The following ANGPT1 variants were observed in gnomAD, a reference collection of about 807,000 sequenced individuals.
ANGPT1 encodes angiopoietin-1.
Under a neutral mutation model 62.2 loss-of-function variants are expected in ANGPT1, and 17 were observed. That is an observed-to-expected ratio of 0.27 (90% CI 0.19 to 0.41). The LOEUF (loss-of-function observed/expected upper bound fraction) is 0.41. Among genes scored for constraint, ANGPT1 ranks in the 10% least tolerant of loss-of-function variants. The probability of loss-of-function intolerance (pLI) is 1.00; values close to 1 mark genes in which losing one functional copy is unlikely to be tolerated. For synonymous variants in ANGPT1, 199 were observed against 198.9 expected, an observed-to-expected ratio of 1.00 and a Z score of 0.00; for missense variants, 478 against 594.9, an observed-to-expected ratio of 0.80 and a Z score of 2.04.
chr8:107,275,657 T>C (rs1354203386), intron 7 of ANGPT1, among the ~76,000 whole-genome samples: 1 of 152,180 alleles, frequency 6.6e-6, no homozygotes, highest in Admixed American at 6.5e-5. Flanking sequence ...TATACATGAC[T>C]GTACTGAAAT....
chr8:107,302,011 T>A (rs943295454), intron 5 of ANGPT1, among the ~76,000 whole-genome samples: 3 of 151,868 alleles, frequency 2.0e-5, no homozygotes, highest in Admixed American at 2.0e-4. Context: ...ACTAAGTAAG[T>A]TAGACTGATT....
chr8:107,270,132 C>A (rs16875970), intron 7 of ANGPT1, among the ~76,000 whole-genome samples: 1 of 151,964 alleles, frequency 6.6e-6, no homozygotes, highest in Non-Finnish European at 1.5e-5. Context: ...AGCCCAATCT[C>A]ATGAACCCAG....
intron 6 of ANGPT1, among the ~76,000 whole-genome samples, chr8:107,291,553 A>G (rs1050580380): frequency 6.6e-6 from 1 of 151,930 alleles, no homozygotes; most frequent in Admixed American, 6.6e-5. Flanking sequence ...CTGGGATTAC[A>G]GGCACGTGCC....
intron 3 of ANGPT1, among the ~76,000 whole-genome samples, chr8:107,330,144 A>G: frequency 6.6e-6 from 1 of 152,230 alleles, no homozygotes; most frequent in East Asian, 1.9e-4. Context: ...GTTCAGTGTC[A>G]TACTAACAAC....
At chr8:107,393,147 A>C (rs569662885) in intron 1 of ANGPT1, among the ~76,000 whole-genome samples, 6 of 152,290 alleles carry the variant, frequency 3.9e-5, no homozygotes, top group African/African-American at 1.4e-4. Context: ...TTTTTTTCCC[A>C]TCAGTGCATG....
chr8:107,442,089 A>G (rs573632095), intron 1 of ANGPT1, among the ~76,000 whole-genome samples: 13 of 152,242 alleles, frequency 8.5e-5, no homozygotes, highest in Admixed American at 3.3e-4. Flanking sequence ...GTCTCAAAAA[A>G]AAAGCTGGGG....
At chr8:107,299,960 TA>T (rs1814537563) in intron 5 of ANGPT1, among the ~76,000 whole-genome samples, 2 of 136,068 alleles carry the variant, frequency 1.5e-5, no homozygotes, top group Admixed American at 7.4e-5. Context: ...ACTGTATATA[TA>T]CTATATACTA....
At chr8:107,362,970 C>G (rs1443308584) in intron 1 of ANGPT1, among the ~76,000 whole-genome samples, 1 of 152,108 alleles carries the variant, frequency 6.6e-6, no homozygotes, top group Non-Finnish European at 1.5e-5. Flanking sequence ...TTCTTCCAAA[C>G]TGGGGGAAAT....
intron 1 of ANGPT1, among the ~76,000 whole-genome samples, chr8:107,449,131 T>C (rs1020017490): frequency 1.3e-5 from 2 of 152,014 alleles, no homozygotes; most frequent in African/African-American, 2.4e-5. Flanking sequence ...GGAAGTTCTA[T>C]TACTCTAGTG....
At chr8:107,252,045 A>T in intron 8 of ANGPT1, 30 bp from the exon 9 acceptor site, 1 of 1,589,968 alleles carries the variant, frequency 6.3e-7, no homozygotes, top group Non-Finnish European at 8.6e-7. Flanking sequence ...TAGAAGAGAG[A>T]AGGAGAGGCA....
At chr8:107,261,024 C>T (rs1813477707) in intron 8 of ANGPT1, among the ~76,000 whole-genome samples, 1 of 152,050 alleles carries the variant, frequency 6.6e-6, no homozygotes, top group Non-Finnish European at 1.5e-5. Flanking sequence ...CTTCTAAGGA[C>T]ACATTTGAAA....
intron 3 of ANGPT1, among the ~76,000 whole-genome samples, chr8:107,335,325 C>T (rs1027029123): frequency 1.3e-4 from 20 of 152,180 alleles, no homozygotes; most frequent in Non-Finnish European, 1.5e-5. Context: ...TCTATCAATA[C>T]CATGGTCTTC....
At chr8:107,320,025 T>C (rs1166146494) in intron 4 of ANGPT1, among the ~76,000 whole-genome samples, 1 of 152,158 alleles carries the variant, frequency 6.6e-6, no homozygotes, top group Non-Finnish European at 1.5e-5. Context: ...TCTAGAGGCC[T>C]GGAATATTTA....
intron 1 of ANGPT1, among the ~76,000 whole-genome samples, chr8:107,390,013 C>T (rs1816804907): frequency 6.6e-6 from 1 of 151,466 alleles, no homozygotes; most frequent in Admixed American, 6.6e-5. Flanking sequence ...ACTTCCTTTC[C>T]AAAATGTCTG....
chr8:107,325,995 G>A (rs1292562309), intron 3 of ANGPT1, among the ~76,000 whole-genome samples: 2 of 152,068 alleles, frequency 1.3e-5, no homozygotes, highest in East Asian at 1.9e-4. Context: ...GCTTTTCTGA[G>A]TAAAAGGAAT....
chr8:107,431,059 C>A (rs187879382), intron 1 of ANGPT1, among the ~76,000 whole-genome samples: 2 of 152,182 alleles, frequency 1.3e-5, no homozygotes, highest in Non-Finnish European at 2.9e-5. Context: ...TTTAACCTCT[C>A]AAAACCTCAC....
At position 107,336,215 on chromosome 8, in the gene ANGPT1, G is replaced by C; in HGVS notation, c.510C>G (p.Thr170=). The part of the protein sequence containing the change: ...EIQLLENSLS[T]YKLEKQLLQQ... Reference sequence around the variant, plus strand: ...GAAGAAGTTGCTTCTCTAGCTTGTAGGTGGATAATGAATTCTCCAGCAGCT... The same window carrying C: ...GAAGAAGTTGCTTCTCTAGCTTGTACGTGGATAATGAATTCTCCAGCAGCT... Residue 170 remains threonine (T), a synonymous_variant, in exon 3 of 9, where the codon ACC becomes ACG. Coordinates refer to ENST00000517746, the MANE Select transcript of ANGPT1 (RefSeq NM_001146.5). The C allele has an allele frequency of 9.3e-6, 15 of 1,608,992 alleles. No individual in the cohort carries two copies. Among genetic ancestry groups the C allele is most frequent in the Non-Finnish European group, 1.3e-5 (15 of 1,178,304 alleles).
intron 1 of ANGPT1, among the ~76,000 whole-genome samples, chr8:107,382,346 C>T (rs1816654942): frequency 6.6e-6 from 1 of 152,056 alleles, no homozygotes; most frequent in Non-Finnish European, 1.5e-5. Context: ...AGATACATCA[C>T]ATACAATAGC....
chr8:107,414,194 A>T (rs1171748653), intron 1 of ANGPT1, among the ~76,000 whole-genome samples: 5 of 152,092 alleles, frequency 3.3e-5, no homozygotes, highest in Non-Finnish European at 7.4e-5. Context: ...CAGGATGGGA[A>T]GGAGTAAGTG....
Sources: gnomAD v4.1 joint callset for allele counts (sites outside exome capture counted in the v4.1 genomes callset) on GRCh38, gnomAD v4.1.1 for gene constraint, MANE v1.5 for transcripts, NCBI Gene and HGNC (gene_info 2026-07-23, HGNC 2026-07-21) for gene names.